The following GTF2IRD1 variants were observed in gnomAD, a reference collection of about 807,000 sequenced individuals.
GTF2IRD1 encodes the protein GTF2I repeat domain containing 1.
In GTF2IRD1, 26 loss-of-function variants were observed where a neutral mutation model predicts 113.2. That is an observed-to-expected ratio of 0.23 (90% confidence interval 0.17 to 0.32). The LOEUF is 0.32. GTF2IRD1 is among the 10% of genes least tolerant of loss of function. GTF2IRD1 has a pLI of 1.00. For synonymous variants in GTF2IRD1, 484 were observed against 529.1 expected, an observed-to-expected ratio of 0.91 and a Z score of 1.17; for missense variants, 864 against 1,280.8, an observed-to-expected ratio of 0.67 and a Z score of 4.97.
At chr7:74,539,850 A>G in intron 13 of GTF2IRD1, 29 bp from the exon 14 acceptor site, 1 of 1,516,902 alleles carries the variant, frequency 6.6e-7, no homozygotes, top group Non-Finnish European at 9.1e-7. Flanking sequence ...GGCAGAAGAT[A>G]CCCGTGTCAT....
At chr7:74,504,181 C>T (rs1368970510) in intron 1 of GTF2IRD1, among the ~76,000 whole-genome samples, 1 of 152,152 alleles carries the variant, frequency 6.6e-6, no homozygotes, top group Non-Finnish European at 1.5e-5. Context: ...TGGGTTGATT[C>T]CATGTCTTTG....
chr7:74,547,465 C>G (rs1583854059), intron 17 of GTF2IRD1, among the ~76,000 whole-genome samples, 179 bp downstream of exon 17: 3 of 117,646 alleles, frequency 2.6e-5, no homozygotes, highest in Admixed American at 2.1e-4. Context: ...TTTTTTGAGA[C>G]AGAGTCTCAC....
intron 1 of GTF2IRD1, among the ~76,000 whole-genome samples, chr7:74,462,135 A>G (rs1383758916): frequency 6.6e-6 from 1 of 152,126 alleles, no homozygotes; most frequent in African/African-American, 2.4e-5. Flanking sequence ...GCTACTCAGG[A>G]GGCTGCGGCG....
intron 1 of GTF2IRD1, among the ~76,000 whole-genome samples, chr7:74,467,247 C>A (rs2116962201): frequency 1.3e-5 from 2 of 152,254 alleles, no homozygotes; most frequent in Middle Eastern, 3.4e-3. Flanking sequence ...CCATGCCCGG[C>A]CCCTCTCCAT....
At chr7:74,530,151 A>C (rs977973648) in intron 9 of GTF2IRD1, among the ~76,000 whole-genome samples, 1 of 151,522 alleles carries the variant, frequency 6.6e-6, no homozygotes, top group African/African-American at 2.4e-5. Context: ...CAGAGGTTGC[A>C]ATGAGCCAAG....
intron 22 of GTF2IRD1, among the ~76,000 whole-genome samples, chr7:74,575,772 G>A (rs1275472540): frequency 6.6e-6 from 1 of 152,196 alleles, no homozygotes; most frequent in Non-Finnish European, 1.5e-5. Context: ...GATCAGGCGT[G>A]TTCAATCTGG....
chr7:74,578,897 G>A (rs1413693763), intron 22 of GTF2IRD1, among the ~76,000 whole-genome samples: 1 of 151,916 alleles, frequency 6.6e-6, no homozygotes, highest in African/African-American at 2.4e-5. Flanking sequence ...TGAGGCGGGA[G>A]GATCGCTTCA....
At chr7:74,538,058 A>T in intron 11 of GTF2IRD1, 78 bp from the exon 12 acceptor site, 1 of 1,466,474 alleles carries the variant, frequency 6.8e-7, no homozygotes, top group Non-Finnish European at 9.5e-7. Flanking sequence ...GTGGGCCCTG[A>T]CTGCCTGGAG....
At chr7:74,523,787 G>C (rs1039473859) in intron 7 of GTF2IRD1, among the ~76,000 whole-genome samples, 4 of 152,162 alleles carry the variant, frequency 2.6e-5, no homozygotes, top group Non-Finnish European at 5.9e-5. Flanking sequence ...CCAGCCTCCT[G>C]TATGTCTGGG....
intron 1 of GTF2IRD1, among the ~76,000 whole-genome samples, chr7:74,454,551 G>C (rs1792834843): frequency 1.3e-5 from 2 of 151,278 alleles, no homozygotes; most frequent in Non-Finnish European, 3.0e-5. Flanking sequence ...GCCGGGGTGG[G>C]AGCAGAGGGG....
chr7:74,525,182 G>A (rs1554346976), intron 8 of GTF2IRD1, among the ~76,000 whole-genome samples: 1 of 152,150 alleles, frequency 6.6e-6, no homozygotes, highest in Admixed American at 6.6e-5. Context: ...CCCTCTGTCT[G>A]GCACAGTCTT....
intron 1 of GTF2IRD1, among the ~76,000 whole-genome samples, chr7:74,461,621 C>T (rs1193303947): frequency 6.6e-6 from 1 of 152,102 alleles, no homozygotes; most frequent in Non-Finnish European, 1.5e-5. Context: ...CTCTGTCACC[C>T]AGGCTGGAGT....
chr7:74,541,547 G>A (rs757098236), intron 14 of GTF2IRD1, among the ~76,000 whole-genome samples: 25 of 151,910 alleles, frequency 1.6e-4, no homozygotes, highest in Non-Finnish European at 2.8e-4. Flanking sequence ...GATTGATTGA[G>A]CCCAGGAGGT....
At chr7:74,454,678 C>T (rs1486684256) in intron 1 of GTF2IRD1, among the ~76,000 whole-genome samples, 1 of 152,056 alleles carries the variant, frequency 6.6e-6, no homozygotes, top group African/African-American at 2.4e-5. Flanking sequence ...ATTGCCCCAG[C>T]AGGGTGGTTC....
rs1554338879 is a variant in GTF2IRD1 at position 74,499,416 on chromosome 7, GAA to G, written c.-6-8658_-6-8657del. On this transcript the variant is annotated intron_variant, in intron 1 of 26. Coordinates refer to ENST00000424337, the MANE Select transcript of GTF2IRD1 (RefSeq NM_005685.4). ...GAAGGGAGGAAGGGAAGGAAGGAAGGAAGGAAGAGAAGGGAGTGGGGGAGGGA... is the reference window on the plus strand; with the variant it reads ...GAAGGGAGGAAGGGAAGGAAGGAAGGGGAAGAGAAGGGAGTGGGGGAGGGA... 1.5e-3 allele frequency among the ~76,000 whole-genome samples: 233 copies of G among 151,920 alleles called. 1 individual carries two copies. The highest frequency in any genetic ancestry group is 5.9e-3 in the South Asian group (28 of 4,784).
intron 1 of GTF2IRD1, among the ~76,000 whole-genome samples, chr7:74,461,629 A>G (rs1270181630): frequency 6.6e-6 from 1 of 152,060 alleles, no homozygotes; most frequent in African/African-American, 2.4e-5. Context: ...CCCAGGCTGG[A>G]GTGCAGTGGC....
intron 1 of GTF2IRD1, among the ~76,000 whole-genome samples, chr7:74,493,076 G>C (rs1795458183): frequency 6.6e-6 from 1 of 151,156 alleles, no homozygotes; most frequent in South Asian, 2.1e-4. Context: ...ACAGGAATGA[G>C]CCACTGTGCC....
At chr7:74,594,286 A>C (rs1477756015) in intron 24 of GTF2IRD1, among the ~76,000 whole-genome samples, 2 of 151,946 alleles carry the variant, frequency 1.3e-5, no homozygotes, top group African/African-American at 4.8e-5. Flanking sequence ...AGGCTGAGGC[A>C]GGAGGATCGA....
intron 14 of GTF2IRD1, 29 bp downstream of exon 14, chr7:74,539,997 T>C (rs1458281099): frequency 2.6e-6 from 4 of 1,518,830 alleles, no homozygotes; most frequent in African/African-American, 2.7e-5. Flanking sequence ...CTGGTGGTGC[T>C]TGGGACTCAG....
Sources: allele counts gnomAD v4.1 joint callset (sites outside exome capture counted in the v4.1 genomes callset), GRCh38; gene constraint gnomAD v4.1.1; transcripts MANE v1.5; gene names NCBI Gene and HGNC (gene_info 2026-07-23, HGNC 2026-07-21).